The following SLC30A6 variants were observed in gnomAD, a reference collection of about 807,000 sequenced individuals.
The protein encoded by SLC30A6 is solute carrier family 30 member 6.
Under a neutral mutation model 63.0 loss-of-function variants are expected in SLC30A6, and 55 were observed. The observed-to-expected ratio is 0.87, with a 90% CI of 0.70 to 1.09. The LOEUF is 1.09. Among genes scored for constraint, SLC30A6 ranks in the 50% least tolerant of loss-of-function variants. The pLI is 0.00. For synonymous variants in SLC30A6, 224 were observed against 186.1 expected (o/e 1.20, Z -1.66); for missense variants, 587 against 549.2 (o/e 1.07, Z -0.69).
chr2:32,214,468 C>T (rs983631561), intron 13 of SLC30A6: 14 of 151,796 alleles, frequency 9.2e-5, no homozygotes, highest in African/African-American at 2.7e-4. Flanking sequence ...AAATATGGAA[C>T]GCTTCATGAA....
chr2:32,211,667 G>T (rs1470902942), intron 13 of SLC30A6, among the ~76,000 whole-genome samples: 2 of 151,972 alleles, frequency 1.3e-5, no homozygotes, highest in African/African-American at 4.8e-5. Context: ...GCCCAGGTGG[G>T]CGTGCAGTAG....
chr2:32,211,742 C>T (rs1685273473), intron 13 of SLC30A6, among the ~76,000 whole-genome samples: 1 of 152,020 alleles, frequency 6.6e-6, no homozygotes, highest in African/African-American at 2.4e-5. Flanking sequence ...CTCAGCCTCC[C>T]GAGTAGCTGG....
chr2:32,206,146 G>A (rs532181679), intron 11 of SLC30A6, among the ~76,000 whole-genome samples: 43 of 152,026 alleles, frequency 2.8e-4, no homozygotes, highest in Non-Finnish European at 5.7e-4. Context: ...CCCTGAATAT[G>A]AATAGAAAGG....
intron 10 of SLC30A6, among the ~76,000 whole-genome samples, chr2:32,198,111 G>A (rs1683959092): frequency 6.6e-6 from 1 of 152,198 alleles, no homozygotes; most frequent in African/African-American, 2.4e-5. Flanking sequence ...AGAGATCTGA[G>A]CCACCACTGC....
Position 32,193,969 on chromosome 2 carries a change from C to G in SLC30A6, c.482C>G (p.Ala161Gly), listed in dbSNP as rs1478115820. Residue 161 changes from alanine (A) to glycine (G), a missense_variant, in exon 8 of 14, where the codon GCT becomes GGT. Coordinates refer to ENST00000282587, the MANE Select transcript of SLC30A6 (RefSeq NM_017964.5). Reference protein sequence around the residue: ...TMLSIRNKPFAYVSEAASTSW... With the variant: ...TMLSIRNKPFGYVSEAASTSW... ...CTTTCTATTCGGAATAAACCTTTTG[C>G]TTATGTCTCAGAAGGTATGTTTTTT... 1.2e-6 allele frequency: 2 copies of G among 1,612,174 alleles called. No individual in the cohort carries two copies. The highest frequency in any genetic ancestry group is 1.7e-5 in the Admixed American group (1 of 59,862).
chr2:32,189,366 A>G lies in SLC30A6; in HGVS notation c.285-2970A>G, dbSNP rs1013865360. 3.4e-5 allele frequency among the ~76,000 whole-genome samples: 5 copies of G among 146,226 alleles called. No homozygotes were observed. The East Asian group carries it at 1.0e-3, about 30-fold the overall frequency. On this transcript the variant is annotated intron_variant, in intron 5 of 13. Transcript: ENST00000282587. ...GAGTGCAGTGGTGCGACCTTGGCTC[A>G]CTGCAACCTCCACCTCCCGGATTTA...
At chr2:32,167,425 C>G (rs1400207378) in intron 1 of SLC30A6, among the ~76,000 whole-genome samples, 1 of 150,126 alleles carries the variant, frequency 6.7e-6, no homozygotes, top group East Asian at 1.9e-4. Flanking sequence ...ATGCAACATC[C>G]GTATTTCAGC....
chr2:32,208,929 G>A (rs2148893330), intron 12 of SLC30A6, among the ~76,000 whole-genome samples: 1 of 152,272 alleles, frequency 6.6e-6, no homozygotes, highest in Non-Finnish European at 1.5e-5. Flanking sequence ...TGTGACAGAG[G>A]CCACTTTTAC....
chr2:32,184,895 TTTAA>T (rs1682669747), intron 5 of SLC30A6, among the ~76,000 whole-genome samples: 1 of 152,248 alleles, frequency 6.6e-6, no homozygotes, highest in African/African-American at 2.4e-5. Flanking sequence ...CGTTAAGTTC[TTTAA>T]TATTTTGGGG....
chr2:32,194,775 G>T (rs777953349), intron 8 of SLC30A6, among the ~76,000 whole-genome samples: 2 of 152,130 alleles, frequency 1.3e-5, no homozygotes, highest in Non-Finnish European at 2.9e-5. Context: ...AATTGTGTTT[G>T]TATGAGTTAA....
At position 32,220,404 on chromosome 2, in the gene SLC30A6, C is replaced by A; in HGVS notation, c.1077C>A (p.Ile359=). ...NVLNFSDHHV[I]PMPLLKGTDD... Reference sequence around the variant, plus strand: ...TAAACTTTTCAGATCATCACGTAATCCCAATGCCTCTTTTAAAGGGTACTG... The same window carrying A: ...TAAACTTTTCAGATCATCACGTAATACCAATGCCTCTTTTAAAGGGTACTG... Residue 359 remains isoleucine, a synonymous_variant, in exon 14 of 14, where the codon ATC becomes ATA. Transcript: ENST00000282587. 1.2e-6 allele frequency: 2 copies of A among 1,614,162 alleles called. No homozygotes were observed. Among genetic ancestry groups the A allele is most frequent in the African/African-American group, 1.3e-5 (1 of 75,044 alleles).
At chr2:32,216,547 A>AAATC (rs1685723833) in intron 13 of SLC30A6, among the ~76,000 whole-genome samples, 1 of 107,944 alleles carries the variant, frequency 9.3e-6, no homozygotes, top group African/African-American at 3.8e-5. Context: ...ATAAATAAAT[A>AAATC]AATAAATAAA....
At chr2:32,207,221 ATT>A (rs199822262) in intron 12 of SLC30A6, among the ~76,000 whole-genome samples, 1 of 149,024 alleles carries the variant, frequency 6.7e-6, no homozygotes, top group Admixed American at 6.7e-5. Context: ...TTATTTAGTT[ATT>A]TTTTTTTTGA....
intron 10 of SLC30A6, chr2:32,203,443 A>G (rs2148880107): frequency 6.6e-7 from 1 of 1,524,852 alleles, no homozygotes; most frequent in African/African-American, 1.4e-5. Flanking sequence ...TCCAACCATC[A>G]GCTCAGATAC....
chr2:32,204,908 G>A lies in SLC30A6; in HGVS notation c.768+216G>A, dbSNP rs1164580850. On this transcript the variant is annotated intron_variant, in intron 11 of 13. Transcript: ENST00000282587. The stretch of plus-strand genomic sequence containing the variant: ...GGCTCACTGCCGCCTTGACCTCCCA[G>A]GCTCAAAGGACCCTCCCACCTCAGT... Among the ~76,000 whole-genome samples, 4 of 148,436 alleles carry A rather than the reference G, an allele frequency of 2.7e-5. No homozygotes were observed. The South Asian group carries it at 6.3e-4, about 23-fold the overall frequency.
chr2:32,219,226 G>T (rs538216495), intron 13 of SLC30A6, among the ~76,000 whole-genome samples: 27 of 151,526 alleles, frequency 1.8e-4, no homozygotes, highest in African/African-American at 6.1e-4. Flanking sequence ...TGGAGGTGGG[G>T]TTTCACCATG....
intron 2 of SLC30A6, 26 bp from the exon 3 acceptor site, chr2:32,174,037 C>T (rs761916950): frequency 4.1e-5 from 64 of 1,572,254 alleles, no homozygotes; most frequent in Non-Finnish European, 5.5e-5. Flanking sequence ...CTTCTGTACA[C>T]ATAAGAGTGA....
chr2:32,197,251 CA>C, intron 8 of SLC30A6, 92 bp from the exon 9 acceptor site: 1 of 1,165,886 alleles, frequency 8.6e-7, no homozygotes, highest in Non-Finnish European at 1.2e-6. Context: ...CAGTCACTGC[CA>C]AATTTATTTT....
intron 10 of SLC30A6, among the ~76,000 whole-genome samples, chr2:32,200,685 T>C (rs893419276): frequency 2.0e-5 from 3 of 151,688 alleles, no homozygotes; most frequent in African/African-American, 7.3e-5. Flanking sequence ...CACCACTCCC[T>C]AATCTCAAGT....
Sources: gnomAD v4.1 joint callset for allele counts (sites outside exome capture counted in the v4.1 genomes callset) on GRCh38, gnomAD v4.1.1 for gene constraint, MANE v1.5 for transcripts, NCBI Gene and HGNC (gene_info 2026-07-23, HGNC 2026-07-21) for gene names.